SUMF1: variants seen among roughly 807,000 people sequenced by gnomAD.
SUMF1 encodes the protein formylglycine-generating enzyme.
Under a neutral mutation model 47.6 loss-of-function variants are expected in SUMF1, and 48 were observed. The ratio of observed to expected loss-of-function variants is 1.01; its 90% CI spans 0.80 to 1.28. The LOEUF (loss-of-function observed/expected upper bound fraction) is 1.28, where lower values mean the gene tolerates loss of function less well. Among genes scored for constraint, SUMF1 ranks in the 50% most tolerant of loss-of-function variants. The pLI is 0.00. For synonymous variants in SUMF1, 230 were observed against 192.1 expected (o/e 1.20, Z -1.63); for missense variants, 571 against 485.4 (o/e 1.18, Z -1.66).
rs113824242 is a variant in SUMF1 at position 4,110,220 on chromosome 3, C to T, written c.1015-41475G>A. 1.9e-4 allele frequency among the ~76,000 whole-genome samples: 29 copies of T among 152,178 alleles called. No individual in the cohort carries two copies. The South Asian group carries it at 4.4e-3, about 23-fold the overall frequency. Reference sequence around the variant, plus strand: ...ACCCTGTTTGCCTGGGTATCAGCAGCGGAGGCTGCAGAACAGCGGATATTG... The same window carrying T: ...ACCCTGTTTGCCTGGGTATCAGCAGTGGAGGCTGCAGAACAGCGGATATTG... On this transcript the variant is annotated intron_variant and NMD_transcript_variant, in intron 8 of 12. Coordinates refer to the SUMF1 transcript ENST00000448413.
intron 8 of SUMF1, among the ~76,000 whole-genome samples, chr3:4,245,281 A>G (rs1213477585): frequency 6.6e-6 from 1 of 152,230 alleles, no homozygotes; most frequent in African/African-American, 2.4e-5. Flanking sequence ...TTCCCTTGCT[A>G]GCGAGGAGTT....
intron 8 of SUMF1, among the ~76,000 whole-genome samples, chr3:4,253,956 C>G (rs1440987470): frequency 4.6e-5 from 7 of 150,598 alleles, no homozygotes; most frequent in African/African-American, 1.7e-4. Flanking sequence ...TCCCTGACCC[C>G]TGACCCCCGA....
At chr3:4,197,530 G>C (rs1695455062) in intron 8 of SUMF1, among the ~76,000 whole-genome samples, 1 of 152,156 alleles carries the variant, frequency 6.6e-6, no homozygotes, top group Non-Finnish European at 1.5e-5. Context: ...ATAAACTTCT[G>C]AGACAGAGAA....
chr3:4,323,079 G>A (rs77220518), intron 8 of SUMF1, among the ~76,000 whole-genome samples: 1,632 of 152,120 alleles, frequency 0.011, 19 homozygotes, highest in African/African-American at 0.036. Context: ...TTCATATAAC[G>A]TTATTCATAA....
At chr3:4,107,884 C>T (rs182562987) in intron 8 of SUMF1, among the ~76,000 whole-genome samples, 1 of 152,140 alleles carries the variant, frequency 6.6e-6, no homozygotes, top group Admixed American at 6.5e-5. Flanking sequence ...AGGAATAATT[C>T]AACCAAAGCA....
At chr3:4,104,062 T>C (rs953025813) in intron 8 of SUMF1, among the ~76,000 whole-genome samples, 1 of 152,166 alleles carries the variant, frequency 6.6e-6, no homozygotes, top group African/African-American at 2.4e-5. Context: ...GCCCTTGATA[T>C]GGTTTTTCTG....
intron 8 of SUMF1, among the ~76,000 whole-genome samples, chr3:4,310,658 C>A (rs1403267426): frequency 6.6e-6 from 1 of 152,172 alleles, no homozygotes; most frequent in Non-Finnish European, 1.5e-5. Context: ...AAAAATATAT[C>A]ATGAGATTCT....
At chr3:4,277,670 G>C (rs1393440062) in intron 8 of SUMF1, among the ~76,000 whole-genome samples, 1 of 152,218 alleles carries the variant, frequency 6.6e-6, no homozygotes, top group Non-Finnish European at 1.5e-5. Flanking sequence ...AAATGAGAAT[G>C]ACTTTATATG....
chr3:4,257,902 A>C (rs1696991938), intron 8 of SUMF1, among the ~76,000 whole-genome samples: 1 of 151,518 alleles, frequency 6.6e-6, no homozygotes, highest in African/African-American at 2.4e-5. Context: ...TGGTACTGGT[A>C]CCAAAACAGA....
At chr3:4,108,790 C>T (rs1448675602) in intron 8 of SUMF1, among the ~76,000 whole-genome samples, 2 of 152,100 alleles carry the variant, frequency 1.3e-5, no homozygotes, top group African/African-American at 4.8e-5. Context: ...GATCTTCCTC[C>T]ATCCCTTTAT....
intron 8 of SUMF1, among the ~76,000 whole-genome samples, chr3:4,325,343 A>G (rs1698919555): frequency 6.6e-6 from 1 of 152,110 alleles, no homozygotes; most frequent in Non-Finnish European, 1.5e-5. Flanking sequence ...ATGAAGTCTC[A>G]TACCCCACAG....
chr3:4,403,214 G>A (rs1274446182), intron 7 of SUMF1, among the ~76,000 whole-genome samples: 4 of 152,178 alleles, frequency 2.6e-5, no homozygotes, highest in African/African-American at 4.8e-5. Context: ...TAAGTGACTT[G>A]CACAGGGTCA....
intron 8 of SUMF1, among the ~76,000 whole-genome samples, chr3:4,165,942 C>T (rs1447980669): frequency 3.4e-5 from 5 of 147,844 alleles, no homozygotes; most frequent in African/African-American, 1.3e-4. Flanking sequence ...GATGCAGTAG[C>T]AGATCCCCCT....
intron 8 of SUMF1, among the ~76,000 whole-genome samples, chr3:4,169,221 C>T (rs1010951961): frequency 2.0e-5 from 3 of 152,032 alleles, no homozygotes; most frequent in Non-Finnish European, 4.4e-5. Flanking sequence ...CCACCTTAAT[C>T]ACTATTATAG....
At chr3:4,434,299 A>T (rs1229404630) in intron 3 of SUMF1, among the ~76,000 whole-genome samples, 1 of 152,270 alleles carries the variant, frequency 6.6e-6, no homozygotes, top group Non-Finnish European at 1.5e-5. Flanking sequence ...TACCATACAC[A>T]CACATACAAA....
intron 8 of SUMF1, among the ~76,000 whole-genome samples, chr3:4,262,107 C>T (rs1460780669): frequency 9.9e-5 from 15 of 152,058 alleles, no homozygotes; most frequent in Admixed American, 9.8e-4. Flanking sequence ...TATGTCTATG[C>T]CCGGCCTCAA....
At position 4,332,227 on chromosome 3, in the gene SUMF1, ATATATT is replaced by A. The variant is rs547085171; in HGVS notation, c.1014+44097_1014+44102del. ...AGACCCATAGACAGTAGCAGATCTT[ATATATT>A]TATAAGATTCTTCATTTGCCAGTTC... On this transcript the variant is annotated intron_variant and NMD_transcript_variant, in intron 8 of 12. Coordinates refer to the SUMF1 transcript ENST00000448413. 1.1e-4 allele frequency among the ~76,000 whole-genome samples: 17 copies of A among 152,344 alleles called. No individual in the cohort carries two copies. The East Asian group carries it at 2.9e-3, about 26-fold the overall frequency.
At chr3:4,107,243 C>G (rs927028773) in intron 8 of SUMF1, among the ~76,000 whole-genome samples, 1 of 152,032 alleles carries the variant, frequency 6.6e-6, no homozygotes, top group Non-Finnish European at 1.5e-5. Flanking sequence ...TCTCTGATGC[C>G]CATACTGAAT....
At chr3:4,404,688 C>T (rs1307002238) in intron 7 of SUMF1, among the ~76,000 whole-genome samples, 1 of 152,210 alleles carries the variant, frequency 6.6e-6, no homozygotes, top group Non-Finnish European at 1.5e-5. Context: ...CGCTTGAACC[C>T]AGGAGGTGGA....
Sources: allele counts gnomAD v4.1 joint callset (sites outside exome capture counted in the v4.1 genomes callset), GRCh38; gene constraint gnomAD v4.1.1; transcripts MANE v1.5; gene names NCBI Gene and HGNC (gene_info 2026-07-23, HGNC 2026-07-21).